Variants in OTP observed in about 807,000 individuals in gnomAD.
OTP encodes the protein homeobox protein orthopedia.
A neutral mutation model predicts 22.3 loss-of-function variants in OTP; 5 were observed. The observed-to-expected ratio is 0.22, with a 90% CI of 0.12 to 0.47. The LOEUF (loss-of-function observed/expected upper bound fraction) is 0.47. OTP is among the 20% of genes least tolerant of loss of function. The pLI is 0.99. For missense variants in OTP, 428 were observed against 456.2 expected, an observed-to-expected ratio of 0.94 and a Z score of 0.56; for synonymous variants, 229 against 210.6, an observed-to-expected ratio of 1.09 and a Z score of -0.76.
At chr5:77,631,439 C>G (rs1744927442) in intron 2 of OTP, among the ~76,000 whole-genome samples, 1 of 151,946 alleles carries the variant, frequency 6.6e-6, no homozygotes, top group African/African-American at 2.4e-5. Context: ...CATATTGCTT[C>G]GTGCTACTGC....
chr5:77,636,480 G>C (rs914269253), intron 2 of OTP: 2 of 307,158 alleles, frequency 6.5e-6, no homozygotes, highest in Non-Finnish European at 1.2e-5. Context: ...ATGCGAGCAG[G>C]AGTTGAGGTG....
rs1744903856 is a variant in OTP at position 77,630,237 on chromosome 5, G to A, written c.*27C>T. 1 of 1,473,456 alleles carries A rather than the reference G, an allele frequency of 6.8e-7. No individual in the cohort carries two copies. Among genetic ancestry groups the A allele is most frequent in the Non-Finnish European group, 9.0e-7 (1 of 1,114,662 alleles). 91.3% of individuals were successfully genotyped at this position (1,473,456 alleles called of 1,614,324 possible). On this transcript the variant is annotated 3_prime_UTR_variant, in exon 3 of 3. Transcript: ENST00000306422. ...GGGCGGCCCCCGGGGCGGTGCTGGGGGCGGAGCGGGCCGGGGCGCGGCTGC... is the reference window on the plus strand; with the variant it reads ...GGGCGGCCCCCGGGGCGGTGCTGGGAGCGGAGCGGGCCGGGGCGCGGCTGC...
At chr5:77,636,162 A>G (rs1210970084) in intron 2 of OTP, 1 of 152,172 alleles carries the variant, frequency 6.6e-6, no homozygotes, top group Non-Finnish European at 1.5e-5. Flanking sequence ...TAGCTTCCTT[A>G]GAGGACTCCA....
chr5:77,634,260 T>C (rs1195486103), intron 2 of OTP, among the ~76,000 whole-genome samples: 1 of 152,228 alleles, frequency 6.6e-6, no homozygotes, highest in East Asian at 1.9e-4. Context: ...TGCTGCTTAA[T>C]AAGCCATTCC....
At chr5:77,636,226 C>T (rs1745004913) in intron 2 of OTP, 1 of 152,260 alleles carries the variant, frequency 6.6e-6, no homozygotes, top group African/African-American at 2.4e-5. Context: ...CCCCAGCGCA[C>T]TGGTAGACTA....
intron 2 of OTP, among the ~76,000 whole-genome samples, chr5:77,631,861 C>T (rs1336477146): frequency 1.3e-5 from 2 of 152,098 alleles, no homozygotes; most frequent in Non-Finnish European, 2.9e-5. Context: ...CCGCGCCAAG[C>T]CAAAGTCTAT....
rs1025067818 is a variant in OTP, at chr5:77,630,028, G to C, written c.*236C>G. On this transcript the variant is annotated 3_prime_UTR_variant, in exon 3 of 3. Transcript: ENST00000306422. ...GCGCAGCTGGGTGGGAAGGGAAGAG[G>C]GGCGGCCGGGAGACGGGGGACCGCG... The C allele has an allele frequency of 4.0e-6, 1 of 251,910 alleles. No individual in the cohort carries two copies. The allele number at this position is 251,910 out of a possible 1,614,324, so 15.6% of individuals were successfully genotyped here. A position where few individuals can be genotyped will look rare whatever the true frequency, so the allele number is the denominator to read the frequency against.
chr5:77,633,814 C>A (rs1744965145), intron 2 of OTP, among the ~76,000 whole-genome samples: 1 of 152,106 alleles, frequency 6.6e-6, no homozygotes, highest in East Asian at 1.9e-4. Flanking sequence ...ATGAAGATCT[C>A]ATTGGAATCC....
chr5:77,636,794 C>T lies in OTP; in HGVS notation c.447+27G>A. 1.9e-6 allele frequency: 3 copies of T among 1,587,600 alleles called. No homozygotes were observed. The South Asian group carries it at 3.5e-5, about 18-fold the overall frequency. ...AATCCTCCCGCCCTGTCCTTGCCTT[C>T]TGTCCCAGATCCCAAGCCCCTCGTA... On this transcript the variant is annotated intron_variant, in intron 2 of 2. Transcript: ENST00000306422.
intron 2 of OTP, among the ~76,000 whole-genome samples, chr5:77,631,509 G>T (rs373308416): frequency 6.6e-6 from 1 of 150,488 alleles, no homozygotes. Context: ...TGGGCTGTAC[G>T]AGTGGCTGGA....
At chr5:77,631,529 C>T (rs562086570) in intron 2 of OTP, among the ~76,000 whole-genome samples, 1 of 151,738 alleles carries the variant, frequency 6.6e-6, no homozygotes, top group East Asian at 1.9e-4. Flanking sequence ...AACCTGCTGC[C>T]CCAAGAGCCT....
chr5:77,638,567 C>T lies in OTP; in HGVS notation c.-18G>A, dbSNP rs1217523497. The T allele has an allele frequency of 6.4e-7, 1 of 1,553,238 alleles. No individual in the cohort carries two copies. Among genetic ancestry groups the T allele is most frequent in the East Asian group, 2.4e-5 (1 of 42,318 alleles). ...GACAGCATCGCGCACCGCTCCAGGG[C>T]GAAAGCTGTTCCCCCCCAAATTTTA... On this transcript the variant is annotated 5_prime_UTR_variant, in exon 1 of 3. Transcript: ENST00000306422.
rs934163987 is a variant in OTP, at chr5:77,633,078, A to C, written c.448-2284T>G. ...TATAAAATCAAGACCGGTTCCTAAC[A>C]ACCTGCAAGTGCCAGTGAATCCCGA... is the stretch of plus-strand genomic sequence containing the variant. On this transcript the variant is annotated intron_variant, in intron 2 of 2. Coordinates refer to ENST00000306422, the MANE Select transcript of OTP (RefSeq NM_032109.3). Among the ~76,000 whole-genome samples, 3 of 152,146 alleles carry C rather than the reference A, an allele frequency of 2.0e-5. No individual in the cohort carries two copies. In the South Asian group the frequency reaches 6.2e-4, roughly 32 times the overall value.
chr5:77,636,510 CG>C (rs974241392), intron 2 of OTP: 14 of 355,330 alleles, frequency 3.9e-5, no homozygotes, highest in East Asian at 1.4e-4. Context: ...CTGGGCCGCC[CG>C]GGGGGGCGCT....
In OTP at chr5:77,631,551, C is replaced by CTTTT. The variant is rs70988699; in HGVS notation, c.448-761_448-758dup. On this transcript the variant is annotated intron_variant, in intron 2 of 2. Coordinates refer to ENST00000306422, the MANE Select transcript of OTP (RefSeq NM_032109.3). The stretch of plus-strand genomic sequence containing the variant: ...TGCCCCAAGAGCCTTCAACCCTATT[C>CTTTT]TTTTTTTTTTTTTTTTTTTTTTTTT... Among the ~76,000 whole-genome samples the CTTTT allele has an allele frequency of 8.4e-3, 627 of 74,242 alleles. 27 individuals carry two copies. The highest frequency in any genetic ancestry group is 0.02 in the South Asian group (35 of 1,766). 48.7% of individuals were successfully genotyped at this position (74,242 alleles called of 152,430 possible).
chr5:77,632,699 T>G (rs1744949996), intron 2 of OTP, among the ~76,000 whole-genome samples: 1 of 152,214 alleles, frequency 6.6e-6, no homozygotes, highest in South Asian at 2.1e-4. Context: ...ACTTTCTTCC[T>G]GTGGTTTCTA....
intron 2 of OTP, among the ~76,000 whole-genome samples, chr5:77,635,083 T>C (rs1253786433): frequency 6.6e-6 from 1 of 152,034 alleles, no homozygotes; most frequent in Admixed American, 6.5e-5. Flanking sequence ...TGTTCAATTA[T>C]ATTTTATTTG....
rs1744880987 is a variant in OTP, at chr5:77,629,400, A to G, written c.*864T>C. The G allele has an allele frequency of 6.6e-6, 1 of 152,252 alleles. No individual in the cohort carries two copies. Among genetic ancestry groups the G allele is most frequent in the Admixed American group, 6.5e-5 (1 of 15,286 alleles). The allele number at this position is 152,252 out of a possible 1,614,324, so 9.4% of individuals were successfully genotyped here. A position where few individuals can be genotyped will look rare whatever the true frequency, so the allele number is the denominator to read the frequency against. On this transcript the variant is annotated 3_prime_UTR_variant, in exon 3 of 3. Transcript: ENST00000306422. ...TAAGAAAATGAAAATAAGATAAAATAAAAATAAAAGCGTTATCTTGCAAGC... is the reference window on the plus strand; with the variant it reads ...TAAGAAAATGAAAATAAGATAAAATGAAAATAAAAGCGTTATCTTGCAAGC...
At chr5:77,637,342 T>G (rs1745026501) in intron 1 of OTP, 112 bp from the exon 2 acceptor site, 2 of 1,269,844 alleles carry the variant, frequency 1.6e-6, no homozygotes, top group East Asian at 2.6e-5. Context: ...CACCCGCGCT[T>G]GTCCTAAGGA....
Sources: gnomAD v4.1 joint callset for allele counts (sites outside exome capture counted in the v4.1 genomes callset) on GRCh38, gnomAD v4.1.1 for gene constraint, MANE v1.5 for transcripts, NCBI Gene and HGNC (gene_info 2026-07-23, HGNC 2026-07-21) for gene names.